NFE2L2: variants seen among roughly 807,000 people sequenced by gnomAD.
NFE2L2 encodes NFE2 like bZIP transcription factor 2.
NFE2L2 carries 20 observed loss-of-function variants against 49.6 expected under a neutral mutation model. That is an observed-to-expected ratio of 0.40 (90% CI 0.28 to 0.59). The LOEUF (loss-of-function observed/expected upper bound fraction) is 0.59, where lower values mean the gene tolerates loss of function less well. NFE2L2 is among the 20% of genes least tolerant of loss of function. The pLI is 0.40. For missense variants in NFE2L2, 578 were observed against 714.2 expected (o/e 0.81, Z 2.17); for synonymous variants, 244 against 256.5 (o/e 0.95, Z 0.47).
In NFE2L2 at chr2:177,234,072, TCA is replaced by T; in HGVS notation, c.243_244del (p.Glu82IlefsTer35). 2 of 1,614,212 alleles carry T rather than the reference TCA, an allele frequency of 1.2e-6. No homozygotes were observed. The highest frequency in any genetic ancestry group is 1.7e-6 in the Non-Finnish European group (2 of 1,180,034). ...CTGGGCTGGCTGAATTGGGAGAAAT[TCA>T]CCTGTCTCTTCATCTAGTTGTAACT... On this transcript the variant is annotated frameshift_variant, in exon 2 of 5. Transcript: ENST00000397062. LOFTEE classifies it high-confidence loss of function.
Position 177,263,948 on chromosome 2 carries a change from G to A in NFE2L2, c.45+584C>T, listed in dbSNP as rs111925788. 5,881 of 985,684 alleles carry A rather than the reference G, an allele frequency of 6.0e-3. 22 individuals are homozygous for A. The highest frequency in any genetic ancestry group is 6.6e-3 in the Non-Finnish European group (5,501 of 830,040). 61.1% of individuals were successfully genotyped at this position (985,684 alleles called of 1,614,324 possible). ...GAGAGATGGATGACTTCGCAAAGCCGCGCCCACAGACGGCCCAGCGGGGTG... is the reference window on the plus strand; with the variant it reads ...GAGAGATGGATGACTTCGCAAAGCCACGCCCACAGACGGCCCAGCGGGGTG... On this transcript the variant is annotated intron_variant, in intron 1 of 4. Coordinates refer to ENST00000397062, the MANE Select transcript of NFE2L2 (RefSeq NM_006164.5).
chr2:177,233,972 C>T (rs1474502184), intron 2 of NFE2L2, 33 bp downstream of exon 2: 2 of 1,611,470 alleles, frequency 1.2e-6, no homozygotes, highest in Non-Finnish European at 8.5e-7. Flanking sequence ...CTTAAACCTG[C>T]CATAACTTTC....
rs1689501939 is a variant in NFE2L2 at position 177,230,523 on chromosome 2, ATAAG to A, written c.*258_*261del. ...AACAAATGACATAAGAACAGTATAA[ATAAG>A]TTTTTGTAGTATTTACACTTACACA... On this transcript the variant is annotated 3_prime_UTR_variant, in exon 5 of 5. Coordinates refer to ENST00000397062, the MANE Select transcript of NFE2L2 (RefSeq NM_006164.5). The A allele has an allele frequency of 2.7e-6, 1 of 369,236 alleles. No homozygotes were observed. Among genetic ancestry groups the A allele is most frequent in the Non-Finnish European group, 4.8e-6 (1 of 208,072 alleles). 22.9% of individuals were successfully genotyped at this position (369,236 alleles called of 1,614,324 possible). A position where few individuals can be genotyped will look rare whatever the true frequency, so the allele number is the denominator to read the frequency against.
At chr2:177,240,919 T>A (rs987725973) in intron 1 of NFE2L2, among the ~76,000 whole-genome samples, 5 of 152,350 alleles carry the variant, frequency 3.3e-5, no homozygotes, top group Middle Eastern at 3.4e-3. Context: ...TGAGACAAAG[T>A]ATTTGAAATG....
intron 1 of NFE2L2, among the ~76,000 whole-genome samples, chr2:177,257,207 G>A (rs946483216): frequency 3.3e-5 from 5 of 152,240 alleles, no homozygotes; most frequent in Non-Finnish European, 7.3e-5. Flanking sequence ...GCTTCCTAGA[G>A]TAAGACAGTG....
chr2:177,264,450 C>T, intron 1 of NFE2L2, 82 bp downstream of exon 1: 7 of 1,412,466 alleles, frequency 5.0e-6, no homozygotes, highest in African/African-American at 1.5e-5. Flanking sequence ...CCGGTTGCGG[C>T]TGTCCCTCCC....
chr2:177,245,056 CCTT>C (rs1287996568), intron 1 of NFE2L2, among the ~76,000 whole-genome samples: 1 of 150,968 alleles, frequency 6.6e-6, no homozygotes, highest in Non-Finnish European at 1.5e-5. Context: ...CTTTATACAT[CCTT>C]CGTCTCCCTT....
chr2:177,231,755 T>C lies in NFE2L2; in HGVS notation c.848A>G (p.Asp283Gly), dbSNP rs1041282301. The change falls in exon 5 of 5, where the codon GAT becomes GGT. Residue 283 changes from aspartate to glycine, a missense_variant. By Grantham distance (94) the Asp-to-Gly change is moderately conservative. Coordinates refer to ENST00000397062, the MANE Select transcript of NFE2L2 (RefSeq NM_006164.5). ...SDATVNTDFG[D>G]EFYSAFIAEP... ...AGCTATGAAAGCAGAATAAAATTCATCACCAAAATCTGTGTTGACTGTGGC... is the reference window on the plus strand; with the variant it reads ...AGCTATGAAAGCAGAATAAAATTCACCACCAAAATCTGTGTTGACTGTGGC... 2 of 1,614,238 alleles carry C rather than the reference T, an allele frequency of 1.2e-6. No individual in the cohort carries two copies. Among genetic ancestry groups the C allele is most frequent in the Non-Finnish European group, 1.7e-6 (2 of 1,180,024 alleles).
chr2:177,232,362 A>G, intron 4 of NFE2L2, 30 bp downstream of exon 4: 2 of 1,576,262 alleles, frequency 1.3e-6, no homozygotes, highest in Non-Finnish European at 1.7e-6. Context: ...TATAAAAAAA[A>G]TCTCCAGTAT....
intron 2 of NFE2L2, 111 bp from the exon 3 acceptor site, chr2:177,233,450 A>G (rs1336287628): frequency 2.4e-6 from 2 of 831,742 alleles, no homozygotes; most frequent in Non-Finnish European, 3.7e-6. Context: ...AGTTAAGTAA[A>G]TATTTATCTT....
chr2:177,256,838 C>G (rs1690544582), intron 1 of NFE2L2, among the ~76,000 whole-genome samples: 1 of 152,198 alleles, frequency 6.6e-6, no homozygotes, highest in Admixed American at 6.5e-5. Context: ...CCACAGTGGA[C>G]AGAGTTACCC....
intron 1 of NFE2L2, among the ~76,000 whole-genome samples, chr2:177,251,681 C>CA (rs754553964): frequency 6.6e-6 from 1 of 151,804 alleles, no homozygotes. Context: ...TAGCAAACAG[C>CA]AAAAAAGGGC....
intron 1 of NFE2L2, 114 bp from the exon 2 acceptor site, chr2:177,234,385 A>G: frequency 8.5e-7 from 1 of 1,175,788 alleles, no homozygotes; most frequent in Non-Finnish European, 1.2e-6. Flanking sequence ...GGAGATTACA[A>G]ATACAATCTA....
chr2:177,241,937 C>CT (rs1197652386), intron 1 of NFE2L2, among the ~76,000 whole-genome samples: 1 of 152,204 alleles, frequency 6.6e-6, no homozygotes, highest in Non-Finnish European at 1.5e-5. Flanking sequence ...AGCAAAATGA[C>CT]ACCAAGCAGA....
At chr2:177,255,169 T>A (rs1214706270) in intron 1 of NFE2L2, among the ~76,000 whole-genome samples, 2 of 152,200 alleles carry the variant, frequency 1.3e-5, no homozygotes, top group Non-Finnish European at 2.9e-5. Context: ...TGAGCTTCTA[T>A]CTAGGCGAGT....
intron 1 of NFE2L2, among the ~76,000 whole-genome samples, chr2:177,250,727 G>A (rs563185368): frequency 6.6e-5 from 10 of 152,308 alleles, no homozygotes; most frequent in Middle Eastern, 3.4e-3. Context: ...CTATCCACTC[G>A]AGGCTTCCTC....
chr2:177,253,867 T>C (rs1690426167), intron 1 of NFE2L2, among the ~76,000 whole-genome samples: 1 of 152,228 alleles, frequency 6.6e-6, no homozygotes, highest in South Asian at 2.1e-4. Flanking sequence ...TCAAATATCC[T>C]TTAAAGAATT....
intron 1 of NFE2L2, among the ~76,000 whole-genome samples, chr2:177,241,648 A>G (rs964476835): frequency 3.9e-5 from 6 of 152,214 alleles, no homozygotes; most frequent in Admixed American, 1.3e-4. Context: ...ACTTGAGCCC[A>G]GGAGTTTGAG....
intron 2 of NFE2L2, 139 bp downstream of exon 2, chr2:177,233,866 A>T: frequency 9.0e-7 from 1 of 1,116,710 alleles, no homozygotes; most frequent in Non-Finnish European, 1.3e-6. Context: ...ACTCATCAGG[A>T]GGCTGAGGTT....
Sources: allele counts gnomAD v4.1 joint callset (sites outside exome capture counted in the v4.1 genomes callset), GRCh38; gene constraint gnomAD v4.1.1; transcripts MANE v1.5; gene names NCBI Gene and HGNC (gene_info 2026-07-23, HGNC 2026-07-21).